The following MDGA2 variants were observed in gnomAD, a reference collection of about 807,000 sequenced individuals.
The protein encoded by MDGA2 is MAM domain containing glycosylphosphatidylinositol anchor 2.
Under a neutral mutation model 117.8 loss-of-function variants are expected in MDGA2, and 40 were observed. That is an observed-to-expected ratio of 0.34 (90% CI 0.26 to 0.44). MDGA2 has a LOEUF of 0.44. Among genes scored for constraint, MDGA2 ranks in the 20% least tolerant of loss-of-function variants. MDGA2 has a pLI of 1.00. For missense variants in MDGA2, 1,123 were observed against 1,250.6 expected, an observed-to-expected ratio of 0.90 and a Z score of 1.54; for synonymous variants, 452 against 439.0, an observed-to-expected ratio of 1.03 and a Z score of -0.37.
At chr14:46,970,364 T>C (rs574512103) in intron 8 of MDGA2, among the ~76,000 whole-genome samples, 2 of 152,130 alleles carry the variant, frequency 1.3e-5, no homozygotes, top group East Asian at 3.9e-4. Context: ...CTTAGATCAA[T>C]GGAATGGAGT....
At chr14:47,351,780 A>C (rs1379553397) in intron 1 of MDGA2, among the ~76,000 whole-genome samples, 1 of 152,136 alleles carries the variant, frequency 6.6e-6, no homozygotes, top group Non-Finnish European at 1.5e-5. Flanking sequence ...ATTTCAGTGA[A>C]ACCAGAAAAA....
At chr14:47,250,026 T>C (rs1887392875) in intron 2 of MDGA2, among the ~76,000 whole-genome samples, 1 of 152,202 alleles carries the variant, frequency 6.6e-6, no homozygotes, top group African/African-American at 2.4e-5. Flanking sequence ...TTAAAAAGCA[T>C]CAGAATGACA....
chr14:47,336,417 T>C (rs1424237075), intron 1 of MDGA2, among the ~76,000 whole-genome samples: 3 of 151,824 alleles, frequency 2.0e-5, no homozygotes, highest in South Asian at 2.1e-4. Context: ...AAGGAGAAAA[T>C]AGAACTGAGA....
intron 1 of MDGA2, among the ~76,000 whole-genome samples, chr14:47,479,718 T>C (rs1008939278): frequency 2.0e-5 from 3 of 152,162 alleles, no homozygotes; most frequent in African/African-American, 7.2e-5. Flanking sequence ...TAAATAACCA[T>C]TGGTAATCAT....
At chr14:46,926,801 A>C (rs1042611915) in intron 9 of MDGA2, among the ~76,000 whole-genome samples, 4 of 152,180 alleles carry the variant, frequency 2.6e-5, no homozygotes, top group South Asian at 2.1e-4. Context: ...GCTGGGAAAG[A>C]AGCTAATGGA....
At chr14:47,061,637 T>A in intron 6 of MDGA2, 59 bp from the exon 7 acceptor site, 1 of 1,339,520 alleles carries the variant, frequency 7.5e-7, no homozygotes, top group Non-Finnish European at 1.0e-6. Context: ...AAGGATTCAT[T>A]AACTGTAGAT....
At chr14:47,604,849 T>G (rs1486128865) in intron 1 of MDGA2, among the ~76,000 whole-genome samples, 1 of 152,268 alleles carries the variant, frequency 6.6e-6, no homozygotes, top group East Asian at 1.9e-4. Context: ...GCTCTGGCTT[T>G]CTTTTTGAGG....
At chr14:47,134,937 T>C (rs1415189345) in intron 4 of MDGA2, among the ~76,000 whole-genome samples, 1 of 151,960 alleles carries the variant, frequency 6.6e-6, no homozygotes, top group Non-Finnish European at 1.5e-5. Flanking sequence ...CATTTAGATG[T>C]ATATTTAATA....
At chr14:47,430,507 C>T (rs1892778038) in intron 1 of MDGA2, among the ~76,000 whole-genome samples, 1 of 151,922 alleles carries the variant, frequency 6.6e-6, no homozygotes, top group African/African-American at 2.4e-5. Context: ...AGTGGGAAGA[C>T]ACTTTATTGG....
chr14:47,315,383 C>G (rs1889773971), intron 1 of MDGA2, among the ~76,000 whole-genome samples: 1 of 152,132 alleles, frequency 6.6e-6, no homozygotes, highest in Non-Finnish European at 1.5e-5. Flanking sequence ...TGAAGCAAAA[C>G]CAACACCTCT....
intron 7 of MDGA2, among the ~76,000 whole-genome samples, chr14:47,052,042 T>C (rs1037782652): frequency 1.3e-5 from 2 of 151,928 alleles, no homozygotes; most frequent in African/African-American, 4.8e-5. Context: ...TTATTCTTTA[T>C]CAGCGAATGG....
intron 14 of MDGA2, among the ~76,000 whole-genome samples, chr14:46,870,477 T>A (rs1275751703): frequency 6.6e-6 from 1 of 151,944 alleles, no homozygotes; most frequent in Non-Finnish European, 1.5e-5. Context: ...AGAGGGGATG[T>A]TTTAACTACC....
intron 1 of MDGA2, among the ~76,000 whole-genome samples, chr14:47,470,119 T>C (rs1045185324): frequency 5.3e-5 from 5 of 93,702 alleles, no homozygotes; most frequent in Non-Finnish European, 1.2e-4. Context: ...TATTTATTTT[T>C]ATTTTTTTTT....
At chr14:47,384,277 C>T (rs911901151) in intron 1 of MDGA2, among the ~76,000 whole-genome samples, 3 of 149,346 alleles carry the variant, frequency 2.0e-5, no homozygotes, top group Non-Finnish European at 4.4e-5. Flanking sequence ...GACCCTTAGG[C>T]GAGTTGCTGC....
rs17682486 is a variant in MDGA2, at chr14:47,438,529, T to A, written c.281-136979A>T. 2.8e-3 allele frequency among the ~76,000 whole-genome samples: 421 copies of A among 152,246 alleles called. 2 individuals are homozygous for A. The highest frequency in any genetic ancestry group is 4.4e-3 in the Non-Finnish European group (297 of 68,000). On this transcript the variant is annotated intron_variant, in intron 1 of 16. Transcript: ENST00000399232. Reference sequence around the variant, plus strand: ...TATTCCTGATCAGGCTCTAAACAGCTCCCGTTTCTCATATGTGTAAACCAG... The same window carrying A: ...TATTCCTGATCAGGCTCTAAACAGCACCCGTTTCTCATATGTGTAAACCAG...
At chr14:47,565,202 T>C (rs987219381) in intron 1 of MDGA2, among the ~76,000 whole-genome samples, 1 of 152,228 alleles carries the variant, frequency 6.6e-6, no homozygotes, top group Non-Finnish European at 1.5e-5. Context: ...CTTTTTGAGT[T>C]GCCAGAGTTC....
At chr14:46,911,088 C>G (rs1390679704) in intron 10 of MDGA2, among the ~76,000 whole-genome samples, 1 of 152,072 alleles carries the variant, frequency 6.6e-6, no homozygotes, top group Non-Finnish European at 1.5e-5. Flanking sequence ...TCACAACAAA[C>G]CCCCATGAAA....
At chr14:47,253,651 T>C (rs1887520463) in intron 2 of MDGA2, among the ~76,000 whole-genome samples, 2 of 152,186 alleles carry the variant, frequency 1.3e-5, no homozygotes, top group Non-Finnish European at 2.9e-5. Flanking sequence ...CTGTGGCTTT[T>C]CCAGAAGCAC....
intron 2 of MDGA2, among the ~76,000 whole-genome samples, chr14:47,264,511 T>A (rs933936379): frequency 6.6e-6 from 1 of 152,106 alleles, no homozygotes; most frequent in African/African-American, 2.4e-5. Flanking sequence ...AGGGCTGAAC[T>A]AAGTTTTCTA....
Sources: allele counts gnomAD v4.1 joint callset (sites outside exome capture counted in the v4.1 genomes callset), GRCh38; gene constraint gnomAD v4.1.1; transcripts MANE v1.5; gene names NCBI Gene and HGNC (gene_info 2026-07-23, HGNC 2026-07-21).